SUGCT: variants seen among roughly 807,000 people sequenced by gnomAD.
The protein encoded by SUGCT is succinyl-CoA:glutarate CoA-transferase.
Under a neutral mutation model 55.0 loss-of-function variants are expected in SUGCT, and 41 were observed. The observed-to-expected ratio is 0.74, with a 90% CI of 0.58 to 0.97. SUGCT has a LOEUF of 0.97. Ranked by LOEUF, SUGCT falls within the 50% of genes least tolerant of loss-of-function variation. The probability of loss-of-function intolerance (pLI) is 0.00; values close to 1 mark genes in which losing one functional copy is unlikely to be tolerated. For missense variants in SUGCT, 568 were observed against 547.8 expected, an observed-to-expected ratio of 1.04 and a Z score of -0.37; for synonymous variants, 187 against 200.4, an observed-to-expected ratio of 0.93 and a Z score of 0.56.
intron 13 of SUGCT, chr7:40,785,323 A>G (rs1002513128): frequency 1.3e-5 from 2 of 152,206 alleles, no homozygotes; most frequent in African/African-American, 2.4e-5. Context: ...AATTTTGACA[A>G]TGTGGCAGTC....
At chr7:40,477,140 A>G (rs1049194744) in intron 11 of SUGCT, among the ~76,000 whole-genome samples, 2 of 152,226 alleles carry the variant, frequency 1.3e-5, no homozygotes, top group East Asian at 1.9e-4. Flanking sequence ...TGTATAGGAA[A>G]GATAACATCC....
chr7:40,577,609 T>C (rs1190952341), intron 12 of SUGCT, among the ~76,000 whole-genome samples: 1 of 152,164 alleles, frequency 6.6e-6, no homozygotes, highest in African/African-American at 2.4e-5. Context: ...TTGGGTTAGT[T>C]CTCATTAGCT....
chr7:40,542,752 G>A (rs574137993), intron 12 of SUGCT, among the ~76,000 whole-genome samples: 1 of 152,226 alleles, frequency 6.6e-6, no homozygotes, highest in African/African-American at 2.4e-5. Flanking sequence ...AGAACAAAAG[G>A]GGCAGAATGG....
chr7:40,191,357 T>G (rs1785898313), intron 5 of SUGCT, among the ~76,000 whole-genome samples: 1 of 152,184 alleles, frequency 6.6e-6, no homozygotes, highest in Non-Finnish European at 1.5e-5. Context: ...TTAGCTTCAA[T>G]TGCTCTGCTG....
intron 12 of SUGCT, chr7:40,683,930 A>T (rs183097787): frequency 1.3e-4 from 183 of 1,363,776 alleles, no homozygotes; most frequent in Non-Finnish European, 1.7e-4. Context: ...AGGTGCTGGC[A>T]GATGTATTCC....
chr7:40,612,936 C>G (rs941125607), intron 12 of SUGCT, among the ~76,000 whole-genome samples: 1 of 152,110 alleles, frequency 6.6e-6, no homozygotes, highest in Non-Finnish European at 1.5e-5. Flanking sequence ...AGTTCGAGAA[C>G]AGCCTGGCCA....
At chr7:40,987,925 A>T in the SUGCT span, among the ~76,000 whole-genome samples, 1 of 152,020 alleles carries the variant, frequency 6.6e-6, no homozygotes, top group African/African-American at 2.4e-5. Context: ...TGGTTGATCG[A>T]TACACTGTGA....
intron 12 of SUGCT, among the ~76,000 whole-genome samples, chr7:40,609,651 GAAA>G (rs1459372170): frequency 6.6e-6 from 1 of 151,620 alleles, no homozygotes; most frequent in African/African-American, 2.4e-5. Flanking sequence ...AAATTGCACT[GAAA>G]ACTCTTAAAA....
the SUGCT span, among the ~76,000 whole-genome samples, chr7:40,898,432 C>T: frequency 0.016 from 1,991 of 124,070 alleles, 53 homozygotes; most frequent in African/African-American, 0.058. Context: ...CTGTAACACT[C>T]GGCAGGGCAT....
chr7:40,352,065 C>T (rs1379203826), intron 9 of SUGCT, among the ~76,000 whole-genome samples: 1 of 152,122 alleles, frequency 6.6e-6, no homozygotes, highest in Non-Finnish European at 1.5e-5. Context: ...AAAATGTGAT[C>T]CCCAGATTTG....
In SUGCT at chr7:40,513,030, A is replaced by G. The variant is rs140973467; in HGVS notation, c.1089+16644A>G. Reference sequence around the variant, plus strand: ...CTTCTGGGCAATGGAGCCCAGCATGATCCGGGATGTAGATACGCCTGTATA... The same window carrying G: ...CTTCTGGGCAATGGAGCCCAGCATGGTCCGGGATGTAGATACGCCTGTATA... On this transcript the variant is annotated intron_variant, in intron 12 of 13. Transcript: ENST00000335693. 7.2e-3 allele frequency among the ~76,000 whole-genome samples: 1,098 copies of G among 152,300 alleles called. 11 individuals carry two copies. Among genetic ancestry groups the G allele is most frequent in the African/African-American group, 0.025 (1,051 of 41,560 alleles).
chr7:40,453,923 A>G (rs913783606), intron 10 of SUGCT, among the ~76,000 whole-genome samples: 6 of 152,360 alleles, frequency 3.9e-5, no homozygotes, highest in Non-Finnish European at 2.9e-5. Flanking sequence ...ACACTGTTTA[A>G]TAAATGGGAT....
At chr7:40,853,692 C>G (rs1402470331) in intron 13 of SUGCT, among the ~76,000 whole-genome samples, 1 of 152,144 alleles carries the variant, frequency 6.6e-6, no homozygotes, top group African/African-American at 2.4e-5. Flanking sequence ...CTGGTTCTAT[C>G]ACTTAGTTGG....
At chr7:40,969,192 A>G in the SUGCT span, among the ~76,000 whole-genome samples, 1 of 152,218 alleles carries the variant, frequency 6.6e-6, no homozygotes, top group Non-Finnish European at 1.5e-5. Context: ...AAAATGGCTT[A>G]TCAGTCCTCA....
chr7:40,259,370 A>T (rs1330308736), intron 7 of SUGCT, among the ~76,000 whole-genome samples: 1 of 152,156 alleles, frequency 6.6e-6, no homozygotes, highest in East Asian at 1.9e-4. Flanking sequence ...CTGAGGGTCA[A>T]TTTGCATATA....
At chr7:40,616,567 A>G (rs1286090711) in intron 12 of SUGCT, among the ~76,000 whole-genome samples, 1 of 152,230 alleles carries the variant, frequency 6.6e-6, no homozygotes, top group African/African-American at 2.4e-5. Flanking sequence ...AAATGATGCA[A>G]TAGGAATGCA....
chr7:40,849,336 G>A (rs1313642422), intron 13 of SUGCT, among the ~76,000 whole-genome samples: 1 of 152,084 alleles, frequency 6.6e-6, no homozygotes, highest in Non-Finnish European at 1.5e-5. Flanking sequence ...GGCCAGCTAT[G>A]TTAATTACTT....
chr7:40,326,953 T>C (rs987039002), intron 9 of SUGCT, among the ~76,000 whole-genome samples: 1 of 152,166 alleles, frequency 6.6e-6, no homozygotes, highest in African/African-American at 2.4e-5. Flanking sequence ...ACCCTTAAAA[T>C]TGCAAAGAAT....
chr7:40,771,071 A>G (rs1379377244), intron 13 of SUGCT, among the ~76,000 whole-genome samples: 1 of 152,204 alleles, frequency 6.6e-6, no homozygotes. Context: ...CATGTATACA[A>G]TATTTTATGC....
Sources: allele counts gnomAD v4.1 joint callset (sites outside exome capture counted in the v4.1 genomes callset), GRCh38; gene constraint gnomAD v4.1.1; transcripts MANE v1.5; gene names NCBI Gene and HGNC (gene_info 2026-07-23, HGNC 2026-07-21).